The following COG5 variants were observed in gnomAD, a reference collection of about 807,000 sequenced individuals.
The protein encoded by COG5 is conserved oligomeric Golgi complex subunit 5.
In COG5, 86 loss-of-function variants were observed where a neutral mutation model predicts 110.4. The observed-to-expected ratio is 0.78, with a 90% CI of 0.65 to 0.93. COG5 has a LOEUF of 0.93. Among genes scored for constraint, COG5 ranks in the 40% least tolerant of loss-of-function variants. The pLI, the probability that COG5 is intolerant of heterozygous loss-of-function variation, is 0.00. For missense variants in COG5, 1,077 were observed against 987.0 expected (o/e 1.09, Z -1.22); for synonymous variants, 360 against 334.6 (o/e 1.08, Z -0.83).
chr7:107,549,811 G>A (rs1283596645), intron 3 of COG5, among the ~76,000 whole-genome samples: 1 of 151,978 alleles, frequency 6.6e-6, no homozygotes, highest in African/African-American at 2.4e-5. Flanking sequence ...CCCAAGACGT[G>A]ATCCTCAGCC....
At chr7:107,490,794 C>A (rs140900560) in intron 6 of COG5, among the ~76,000 whole-genome samples, 3 of 152,186 alleles carry the variant, frequency 2.0e-5, no homozygotes, top group South Asian at 2.1e-4. Context: ...AAAGCCTATT[C>A]TTTCTTGTCT....
At chr7:107,417,214 G>T (rs1448322244) in intron 6 of COG5, among the ~76,000 whole-genome samples, 1 of 152,168 alleles carries the variant, frequency 6.6e-6, no homozygotes, top group Non-Finnish European at 1.5e-5. Flanking sequence ...GCAACCTTCA[G>T]ATGTTTCTAA....
intron 7 of COG5, among the ~76,000 whole-genome samples, chr7:107,374,636 A>G (rs187357810): frequency 2.1e-3 from 324 of 152,178 alleles, no homozygotes; most frequent in African/African-American, 7.6e-3. Flanking sequence ...CATGTTTGAA[A>G]AGGTTACTTC....
chr7:107,334,639 A>T (rs1158497945), intron 10 of COG5, among the ~76,000 whole-genome samples: 1 of 152,172 alleles, frequency 6.6e-6, no homozygotes, highest in Non-Finnish European at 1.5e-5. Context: ...TAACATTTTC[A>T]AAGTGAAAAA....
chr7:107,353,777 A>T (rs1812384317), intron 10 of COG5, among the ~76,000 whole-genome samples: 2 of 152,046 alleles, frequency 1.3e-5, no homozygotes, highest in African/African-American at 4.8e-5. Flanking sequence ...TGCCCTCTTT[A>T]TATTCTGATA....
At chr7:107,241,544 C>G (rs184306682) in intron 17 of COG5, among the ~76,000 whole-genome samples, 1 of 151,748 alleles carries the variant, frequency 6.6e-6, no homozygotes, top group Non-Finnish European at 1.5e-5. Flanking sequence ...GCTCCGCCTC[C>G]GGGGTTCACG....
In COG5 at chr7:107,415,836, G is replaced by A. The variant is rs538415433; in HGVS notation, c.539-3204C>T. Among the ~76,000 whole-genome samples the A allele has an allele frequency of 7.1e-4, 55 of 77,718 alleles. 6 individuals are homozygous for A. Among genetic ancestry groups the A allele is most frequent in the African/African-American group, 1.5e-3 (29 of 19,290 alleles). 51.0% of individuals were successfully genotyped at this position (77,718 alleles called of 152,430 possible). A position where few individuals can be genotyped will look rare whatever the true frequency, so the allele number is the denominator to read the frequency against. ...TACACACATACACGTATGTATGTAT[G>A]TGTGTGTATATATACACACACATAC... On this transcript the variant is annotated intron_variant, in intron 6 of 21. Transcript: ENST00000297135.
At chr7:107,413,540 CA>C (rs58689670) in intron 6 of COG5, among the ~76,000 whole-genome samples, 54 of 138,538 alleles carry the variant, frequency 3.9e-4, no homozygotes, top group Middle Eastern at 3.8e-3. Context: ...AAAAACACAA[CA>C]AAAAAAAAAA....
intron 7 of COG5, among the ~76,000 whole-genome samples, chr7:107,409,350 C>T (rs1792104795): frequency 6.7e-6 from 1 of 150,016 alleles, no homozygotes; most frequent in Non-Finnish European, 1.5e-5. Flanking sequence ...AAAAAAAGTC[C>T]TTTGGGAAAC....
At chr7:107,401,307 C>T (rs1791405824) in intron 7 of COG5, among the ~76,000 whole-genome samples, 1 of 151,828 alleles carries the variant, frequency 6.6e-6, no homozygotes, top group Non-Finnish European at 1.5e-5. Flanking sequence ...TTTAAAATAT[C>T]CTTTTAAATT....
intron 6 of COG5, chr7:107,473,076 C>CA (rs1272800172): frequency 6.6e-6 from 1 of 151,600 alleles, no homozygotes; most frequent in Non-Finnish European, 1.5e-5. Flanking sequence ...CAAAAGGCTT[C>CA]ACAGGTAATG....
chr7:107,398,263 T>C (rs1791154775), intron 7 of COG5, among the ~76,000 whole-genome samples: 1 of 152,190 alleles, frequency 6.6e-6, no homozygotes, highest in South Asian at 2.1e-4. Context: ...GAACTGAATA[T>C]TATTCATCAA....
intron 7 of COG5, among the ~76,000 whole-genome samples, chr7:107,374,204 A>C (rs980100995): frequency 4.6e-5 from 7 of 152,120 alleles, no homozygotes; most frequent in Non-Finnish European, 7.4e-5. Context: ...AACTGAAAAC[A>C]AGGGGTATAG....
intron 6 of COG5, among the ~76,000 whole-genome samples, chr7:107,512,836 C>T (rs375259902): frequency 6.6e-6 from 1 of 151,226 alleles, no homozygotes; most frequent in African/African-American, 2.4e-5. Flanking sequence ...GGAAAACTGG[C>T]TAGCCATATG....
intron 7 of COG5, among the ~76,000 whole-genome samples, chr7:107,411,368 G>GT (rs1792282489): frequency 6.6e-6 from 1 of 151,400 alleles, no homozygotes; most frequent in Non-Finnish European, 1.5e-5. Context: ...TTTAAACGGT[G>GT]TAACAGTTTC....
At chr7:107,283,865 A>G in intron 12 of COG5, 133 bp from the exon 13 acceptor site, 1 of 675,008 alleles carries the variant, frequency 1.5e-6, no homozygotes, top group Non-Finnish European at 2.6e-6. Flanking sequence ...AAAAGAAAAT[A>G]ATTTGTTTCA....
At chr7:107,462,914 CA>C (rs1796087601) in intron 6 of COG5, among the ~76,000 whole-genome samples, 1 of 152,176 alleles carries the variant, frequency 6.6e-6, no homozygotes, top group South Asian at 2.1e-4. Flanking sequence ...CTTCTAACAG[CA>C]GACCTGAAGG....
chr7:107,234,229 G>A (rs1427407253), intron 18 of COG5, among the ~76,000 whole-genome samples: 1 of 152,180 alleles, frequency 6.6e-6, no homozygotes, highest in African/African-American at 2.4e-5. Flanking sequence ...TAAATGCTGT[G>A]TGTGTAAATG....
intron 19 of COG5, among the ~76,000 whole-genome samples, chr7:107,214,723 A>G (rs1405088280): frequency 6.6e-6 from 1 of 152,124 alleles, no homozygotes; most frequent in Non-Finnish European, 1.5e-5. Flanking sequence ...GAAGTTCCAG[A>G]CCAGCCTGGT....
Sources: allele counts gnomAD v4.1 joint callset (sites outside exome capture counted in the v4.1 genomes callset), GRCh38; gene constraint gnomAD v4.1.1; transcripts MANE v1.5; gene names NCBI Gene and HGNC (gene_info 2026-07-23, HGNC 2026-07-21).